AXIN1: variants seen among roughly 807,000 people sequenced by gnomAD.
AXIN1 encodes axin-1.
A neutral mutation model predicts 76.4 loss-of-function variants in AXIN1; 30 were observed. The observed-to-expected ratio is 0.39, with a 90% confidence interval of 0.29 to 0.53. The LOEUF (loss-of-function observed/expected upper bound fraction) is 0.53, where lower values mean the gene tolerates loss of function less well. AXIN1 is among the 20% of genes least tolerant of loss of function. The probability of loss-of-function intolerance (pLI) is 0.66; values close to 1 mark genes in which losing one functional copy is unlikely to be tolerated. For synonymous variants in AXIN1, 545 were observed against 501.4 expected (o/e 1.09, Z -1.16); for missense variants, 1,140 against 1,198.8 (o/e 0.95, Z 0.72).
chr16:298,216 C>G lies in AXIN1; in HGVS notation c.1290G>C (p.Gly430=), dbSNP rs529484795. 5.8e-6 allele frequency: 9 copies of G among 1,540,770 alleles called. No homozygotes were observed. In the East Asian group the frequency reaches 2.2e-4, roughly 38 times the overall value. Residue 430 remains glycine, a synonymous_variant, in exon 6 of 11, where the codon GGG becomes GGC. Transcript: ENST00000262320. ...GCAGCTTGTGACACGGCCCTGGGGG[C>G]CCTGACGATGGATCGCCGTCCTCAC... ...EEGEDGDPSS[G]PPGPCHKLPP...
chr16:304,610 C>A (rs973745745), intron 4 of AXIN1, among the ~76,000 whole-genome samples, 169 bp from the exon 5 acceptor site: 1 of 152,234 alleles, frequency 6.6e-6, no homozygotes, highest in Non-Finnish European at 1.5e-5. Context: ...TCTTGGCTCA[C>A]TGCAACCTCT....
chr16:337,755 C>T (rs889737895), intron 2 of AXIN1, among the ~76,000 whole-genome samples: 1 of 152,244 alleles, frequency 6.6e-6, no homozygotes, highest in Non-Finnish European at 1.5e-5. Flanking sequence ...CACAAGCCAG[C>T]GTTCAACTCC....
At position 293,673 on chromosome 16, in the gene AXIN1, G is replaced by A. The variant is rs891100227; in HGVS notation, c.2001C>T (p.Pro667=). 8 of 1,613,776 alleles carry A rather than the reference G, an allele frequency of 5.0e-6. No individual in the cohort carries two copies. In the South Asian group the frequency reaches 7.7e-5, roughly 16 times the overall value. Residue 667 remains proline (P), a synonymous_variant, in exon 8 of 11, where the codon CCC becomes CCT. Coordinates refer to ENST00000262320, the MANE Select transcript of AXIN1 (RefSeq NM_003502.4). The surrounding 1 kb of genome is among the most constrained non-coding windows in gnomAD (Gnocchi z 4.6). ...RKPQPHENSR[P]LSLEHPWAGP... is the part of the protein sequence containing the mutation. ...CGGCCCAGGGGTGCTCAAGGGACAA[G>A]GGTCTGGAGTTCTCATGGGGCTGTG...
chr16:344,334 G>A lies in AXIN1; in HGVS notation c.878+1814C>T, dbSNP rs574357503. 1.7e-3 allele frequency among the ~76,000 whole-genome samples: 263 copies of A among 150,850 alleles called. 1 individual carries two copies. The highest frequency in any genetic ancestry group is 9.5e-3 in the East Asian group (47 of 4,922). ...AGTCCCAGCTACTTGGGAGGCTGGGGCAGGAGAACGGCGTGAACCTGGGAG... is the reference window on the plus strand; with the variant it reads ...AGTCCCAGCTACTTGGGAGGCTGGGACAGGAGAACGGCGTGAACCTGGGAG... On this transcript the variant is annotated intron_variant, in intron 2 of 10. Transcript: ENST00000262320.
intron 10 of AXIN1, 127 bp downstream of exon 10, chr16:289,313 A>C (rs573326416): frequency 1.6e-6 from 2 of 1,262,322 alleles, no homozygotes; most frequent in East Asian, 4.7e-5. Context: ...CAATCCGCCC[A>C]CCTCAGCCTC....
rs534728060 is a variant in AXIN1 at position 326,678 on chromosome 16, G to A, written c.879-11995C>T. Among the ~76,000 whole-genome samples, 8 of 151,402 alleles carry A rather than the reference G, an allele frequency of 5.3e-5. No individual in the cohort carries two copies. In the East Asian group the frequency reaches 9.8e-4, roughly 19 times the overall value. On this transcript the variant is annotated intron_variant, in intron 2 of 10. Transcript: ENST00000262320. ...GGAGAATCACTTGAACCTGGGAGGC[G>A]GAGGTTGCAGTGAGCGAGATCGCGC... is the stretch of plus-strand genomic sequence containing the variant.
At chr16:348,653 A>G (rs1365198861) in intron 1 of AXIN1, among the ~76,000 whole-genome samples, 2 of 152,148 alleles carry the variant, frequency 1.3e-5, no homozygotes, top group Non-Finnish European at 2.9e-5. Flanking sequence ...ACAGTTCTTA[A>G]TTAGCCGGGT....
At chr16:290,938 G>A (rs2052539845) in intron 9 of AXIN1, 4 of 565,710 alleles carry the variant, frequency 7.1e-6, no homozygotes, top group Middle Eastern at 4.8e-4. Flanking sequence ...GGGGCTGGCT[G>A]TGCCCAGGCC....
intron 7 of AXIN1, among the ~76,000 whole-genome samples, chr16:296,471 C>T (rs1051106861): frequency 5.3e-5 from 8 of 152,336 alleles, no homozygotes; most frequent in Admixed American, 3.3e-4. Context: ...TGCTGGGTTC[C>T]GGGCACGAGT....
chr16:341,456 C>G (rs1234163661), intron 2 of AXIN1, among the ~76,000 whole-genome samples: 1 of 152,376 alleles, frequency 6.6e-6, no homozygotes, highest in African/African-American at 2.4e-5. Flanking sequence ...GCCGGCCCAC[C>G]GGAGCTGCGC....
chr16:341,206 C>A lies in AXIN1; in HGVS notation c.878+4942G>T, dbSNP rs958875051. 5.9e-5 allele frequency among the ~76,000 whole-genome samples: 9 copies of A among 152,262 alleles called. No homozygotes were observed. In the South Asian group the frequency reaches 1.7e-3, roughly 28 times the overall value. ...TCAGCCCACCACTGCACTGTGGGAG[C>A]CCCTTTCTGGGCTGGCCAAGGCCGG... is the stretch of plus-strand genomic sequence containing the variant. On this transcript the variant is annotated intron_variant, in intron 2 of 10. Coordinates refer to ENST00000262320, the MANE Select transcript of AXIN1 (RefSeq NM_003502.4).
chr16:328,812 G>C (rs1311586979), intron 2 of AXIN1, among the ~76,000 whole-genome samples: 1 of 152,224 alleles, frequency 6.6e-6, no homozygotes, highest in African/African-American at 2.4e-5. Flanking sequence ...AGAGATGGCA[G>C]GCAGGGAGAG....
intron 2 of AXIN1, among the ~76,000 whole-genome samples, chr16:325,826 A>G (rs1203627278): frequency 6.6e-6 from 1 of 152,202 alleles, no homozygotes; most frequent in East Asian, 1.9e-4. Context: ...CAAAGCAGAC[A>G]GGCACTGGGA....
intron 5 of AXIN1, among the ~76,000 whole-genome samples, chr16:301,750 G>C (rs753773451): frequency 7.2e-5 from 11 of 152,188 alleles, no homozygotes; most frequent in Non-Finnish European, 1.5e-4. Flanking sequence ...TGACAGCAAA[G>C]CGTTCCACAG....
At chr16:319,725 T>C (rs111576193) in intron 2 of AXIN1, among the ~76,000 whole-genome samples, 42 of 152,342 alleles carry the variant, frequency 2.8e-4, no homozygotes, top group African/African-American at 9.1e-4. Context: ...CTCTGGTCAC[T>C]GTGGTACTTT....
At position 315,249 on chromosome 16, in the gene AXIN1, T is replaced by C. The variant is rs1483979106; in HGVS notation, c.879-566A>G. Among the ~76,000 whole-genome samples the C allele has an allele frequency of 5.9e-5, 9 of 152,178 alleles. No individual in the cohort carries two copies. The East Asian group carries it at 1.5e-3, about 26-fold the overall frequency. On this transcript the variant is annotated intron_variant, in intron 2 of 10. Coordinates refer to ENST00000262320, the MANE Select transcript of AXIN1 (RefSeq NM_003502.4). Reference sequence around the variant, plus strand: ...TTCACCTCCTCTTGTTACTGCAAAATTAGCCAGGAAATGACACCTTTTTTC... The same window carrying C: ...TTCACCTCCTCTTGTTACTGCAAAACTAGCCAGGAAATGACACCTTTTTTC...
chr16:344,393 G>A (rs1187388038), intron 2 of AXIN1, among the ~76,000 whole-genome samples: 6 of 141,506 alleles, frequency 4.2e-5, no homozygotes, highest in Middle Eastern at 4.6e-3. Flanking sequence ...TGGCGCCACC[G>A]CACTCCAGCC....
chr16:333,597 A>G (rs2053738947), intron 2 of AXIN1, among the ~76,000 whole-genome samples: 1 of 152,086 alleles, frequency 6.6e-6, no homozygotes, highest in Non-Finnish European at 1.5e-5. Flanking sequence ...AGGGAAGAAA[A>G]AAAGCACCAT....
At position 297,882 on chromosome 16, in the gene AXIN1, T is replaced by TGTGGTGGACGTG. The variant is rs759594277; in HGVS notation, c.1612_1623dup (p.His538_His541dup). On this transcript the variant is annotated inframe_insertion, in exon 6 of 11. Transcript: ENST00000262320. Reference sequence around the variant, plus strand: ...ACCTGCTCCTTGGGCCGGGCTGTGCTGTGGTGGACGTGGTGGTGGACGTGT... The same window carrying TGTGGTGGACGTG: ...ACCTGCTCCTTGGGCCGGGCTGTGCTGTGGTGGACGTGGTGGTGGACGTGGTGGTGGACGTGT... 7 of 1,589,430 alleles carry TGTGGTGGACGTG rather than the reference T, an allele frequency of 4.4e-6. No homozygotes were observed. The highest frequency in any genetic ancestry group is 1.3e-5 in the African/African-American group (1 of 74,616).
Sources: gnomAD v4.1 joint callset for allele counts (sites outside exome capture counted in the v4.1 genomes callset) on GRCh38, gnomAD v4.1.1 for gene constraint, Gnocchi (gnomAD v3.1) non-coding constraint, MANE v1.5 for transcripts, NCBI Gene and HGNC (gene_info 2026-07-23, HGNC 2026-07-21) for gene names.